Variants in HOOK3 observed in about 807,000 individuals in gnomAD.
HOOK3 encodes the protein hook microtubule tethering protein 3.
HOOK3 carries 24 observed loss-of-function variants against 116.3 expected under a neutral mutation model. That is an observed-to-expected ratio of 0.21 (90% confidence interval 0.15 to 0.29). HOOK3 has a LOEUF of 0.29. Ranked by LOEUF, HOOK3 falls within the 10% of genes least tolerant of loss-of-function variation. The probability of loss-of-function intolerance (pLI) is 1.00; values close to 1 mark genes in which losing one functional copy is unlikely to be tolerated. For synonymous variants in HOOK3, 275 were observed against 283.0 expected (o/e 0.97, Z 0.28); for missense variants, 632 against 830.2 (o/e 0.76, Z 2.93).
At chr8:42,935,283 G>A (rs1002994211) in intron 4 of HOOK3, among the ~76,000 whole-genome samples, 1 of 152,006 alleles carries the variant, frequency 6.6e-6, no homozygotes, top group African/African-American at 2.4e-5. Flanking sequence ...GTGGATTCTG[G>A]ATATTAGCCC....
At chr8:42,991,756 T>C (rs917806639) in intron 15 of HOOK3, among the ~76,000 whole-genome samples, 2 of 152,034 alleles carry the variant, frequency 1.3e-5, no homozygotes, top group Non-Finnish European at 2.9e-5. Flanking sequence ...TTTTTGTTTT[T>C]TTTTTCCTTT....
intron 13 of HOOK3, 58 bp from the exon 14 acceptor site, chr8:42,982,569 C>T (rs78848216): frequency 5.0e-6 from 6 of 1,208,648 alleles, no homozygotes; most frequent in Non-Finnish European, 7.4e-6. Flanking sequence ...GGTTTCATAT[C>T]GAAAGTTGTG....
intron 15 of HOOK3, among the ~76,000 whole-genome samples, chr8:42,993,948 G>A (rs1378794305): frequency 6.6e-6 from 1 of 151,876 alleles, no homozygotes; most frequent in Non-Finnish European, 1.5e-5. Flanking sequence ...ACTGGTTTTT[G>A]TTTTGTTGCT....
intron 2 of HOOK3, among the ~76,000 whole-genome samples, chr8:42,920,163 G>A (rs925857253): frequency 6.6e-6 from 1 of 152,104 alleles, no homozygotes; most frequent in African/African-American, 2.4e-5. Context: ...GCTAATAATA[G>A]CATCTTACTC....
intron 14 of HOOK3, among the ~76,000 whole-genome samples, chr8:42,983,559 C>CT (rs1421340880): frequency 5.3e-5 from 8 of 152,180 alleles, no homozygotes; most frequent in Non-Finnish European, 1.2e-4. Context: ...TCACGGCTCA[C>CT]TGCAGCCTTG....
At chr8:42,996,577 G>A (rs185057791) in intron 15 of HOOK3, among the ~76,000 whole-genome samples, 101 of 151,884 alleles carry the variant, frequency 6.6e-4, no homozygotes, top group Non-Finnish European at 1.3e-3. Flanking sequence ...GTTTCTCTCC[G>A]GCCTTTCTTC....
chr8:42,955,705 A>G (rs971591034), intron 6 of HOOK3, among the ~76,000 whole-genome samples: 5 of 152,032 alleles, frequency 3.3e-5, no homozygotes, highest in African/African-American at 1.2e-4. Flanking sequence ...ACAAGAAGAA[A>G]GTACAGAGGG....
chr8:42,897,244 AC>A (rs1281408576), intron 1 of HOOK3, 56 bp downstream of exon 1: 1 of 1,156,896 alleles, frequency 8.6e-7, no homozygotes, highest in Non-Finnish European at 1.1e-6. Context: ...ACCTACCGGG[AC>A]CCTCCACGCG....
intron 11 of HOOK3, among the ~76,000 whole-genome samples, chr8:42,968,720 TTTTA>T (rs763823003): frequency 6.6e-6 from 1 of 152,124 alleles, no homozygotes; most frequent in African/African-American, 2.4e-5. Flanking sequence ...ATTTACTTAT[TTTTA>T]TTTAGTTAGT....
chr8:42,899,783 G>A (rs1457512966), intron 1 of HOOK3, among the ~76,000 whole-genome samples: 2 of 152,240 alleles, frequency 1.3e-5, no homozygotes, highest in Non-Finnish European at 2.9e-5. Flanking sequence ...GTCAGTGACA[G>A]ACAAGATCTA....
intron 4 of HOOK3, among the ~76,000 whole-genome samples, chr8:42,931,761 G>A (rs376888213): frequency 2.0e-5 from 3 of 148,176 alleles, no homozygotes; most frequent in Non-Finnish European, 4.5e-5. Context: ...TTCCCATCCC[G>A]TCCTTTCTTT....
At chr8:42,993,739 A>G (rs1221935197) in intron 15 of HOOK3, among the ~76,000 whole-genome samples, 6 of 152,098 alleles carry the variant, frequency 3.9e-5, no homozygotes, top group Admixed American at 6.5e-5. Flanking sequence ...GGTAGATCAT[A>G]TGTGTCTAGG....
Position 43,020,273 on chromosome 8 carries a change from T to C in HOOK3, c.*1775T>C, listed in dbSNP as rs1047208198. The C allele has an allele frequency of 5.0e-5, 10 of 199,444 alleles. No homozygotes were observed. The highest frequency in any genetic ancestry group is 8.3e-5 in the Non-Finnish European group (8 of 96,626). The allele number at this position is 199,444 out of a possible 1,614,324, so 12.4% of individuals were successfully genotyped here. ...AGCAGAAGTTAGGGATAAATGGAGA[T>C]AGCCATGAGTAGAACTGCTGTAGGG... On this transcript the variant is annotated 3_prime_UTR_variant, in exon 22 of 22. Coordinates refer to ENST00000307602, the MANE Select transcript of HOOK3 (RefSeq NM_032410.4).
intron 18 of HOOK3, among the ~76,000 whole-genome samples, chr8:43,008,665 T>G (rs1192826026): frequency 5.0e-5 from 7 of 140,514 alleles, no homozygotes; most frequent in East Asian, 2.0e-4. Flanking sequence ...TTATTTTTAT[T>G]TTTTTTTTTT....
chr8:42,972,271 T>G (rs1271627279), intron 11 of HOOK3, among the ~76,000 whole-genome samples: 1 of 152,192 alleles, frequency 6.6e-6, no homozygotes, highest in Admixed American at 6.5e-5. Context: ...TATGGCAGAT[T>G]TTCCACAGCA....
intron 13 of HOOK3, among the ~76,000 whole-genome samples, chr8:42,980,662 G>C (rs1398262122): frequency 2.0e-5 from 3 of 152,048 alleles, no homozygotes; most frequent in African/African-American, 7.2e-5. Flanking sequence ...TCCCAAGGCG[G>C]GTGGATCACC....
In HOOK3 at chr8:42,916,035, C is replaced by T. The variant is rs2130341021; in HGVS notation, c.144-9522C>T. Among the ~76,000 whole-genome samples, 2 of 152,282 alleles carry T rather than the reference C, an allele frequency of 1.3e-5. 1 individual carries two copies. On this transcript the variant is annotated intron_variant, in intron 2 of 21. Coordinates refer to ENST00000307602, the MANE Select transcript of HOOK3 (RefSeq NM_032410.4). ...CCCACAGCAGCTCCCTGGCTCATCC[C>T]AGGCCCACCAAATATCTCCTGCCTA...
intron 15 of HOOK3, among the ~76,000 whole-genome samples, chr8:42,996,339 T>C (rs1809266095): frequency 1.4e-5 from 2 of 147,392 alleles, no homozygotes; most frequent in Admixed American, 6.8e-5. Context: ...TGAGCTGAGA[T>C]TGCACCATTG....
intron 14 of HOOK3, among the ~76,000 whole-genome samples, 176 bp downstream of exon 14, chr8:42,982,872 G>A (rs1201638339): frequency 2.0e-5 from 3 of 152,132 alleles, no homozygotes; most frequent in Non-Finnish European, 2.9e-5. Context: ...ACTGGCCTAC[G>A]GAAAATTGAT....
Sources: gnomAD v4.1 joint callset for allele counts (sites outside exome capture counted in the v4.1 genomes callset) on GRCh38, gnomAD v4.1.1 for gene constraint, MANE v1.5 for transcripts, NCBI Gene and HGNC (gene_info 2026-07-23, HGNC 2026-07-21) for gene names.